The following JPT2 variants were observed in gnomAD, a reference collection of about 807,000 sequenced individuals.
JPT2 encodes Jupiter microtubule associated homolog 2, also known as CRAMP_1 like.
A neutral mutation model predicts 15.9 loss-of-function variants in JPT2; 9 were observed. That is an observed-to-expected ratio of 0.57 (90% CI 0.34 to 0.99). The LOEUF (loss-of-function observed/expected upper bound fraction) is 0.99, where lower values mean the gene tolerates loss of function less well. Among genes scored for constraint, JPT2 ranks in the 50% least tolerant of loss-of-function variants. The pLI, the probability that JPT2 is intolerant of heterozygous loss-of-function variation, is 0.02. For synonymous variants in JPT2, 95 were observed against 91.7 expected (o/e 1.04, Z -0.21); for missense variants, 267 against 252.1 (o/e 1.06, Z -0.40).
rs2037154785 is a variant in JPT2 at position 1,697,987 on chromosome 16, C to T, written c.385+127C>T. 5.0e-6 allele frequency: 4 copies of T among 799,840 alleles called. No homozygotes were observed. In the South Asian group the frequency reaches 6.4e-5, roughly 13 times the overall value. 49.5% of individuals were successfully genotyped at this position (799,840 alleles called of 1,614,324 possible). On this transcript the variant is annotated intron_variant, in intron 4 of 4. Coordinates refer to ENST00000248098, the MANE Select transcript of JPT2 (RefSeq NM_144570.3). ...TTCTGGGCCACCTGATTAAAACGAG[C>T]TCAGGTGTATCCACTGCAAGAGGAT...
At chr16:1,678,486 C>T (rs1212151005) in intron 1 of JPT2, 130 bp downstream of exon 1, 3 of 929,562 alleles carry the variant, frequency 3.2e-6, no homozygotes, top group South Asian at 5.5e-5. Context: ...CACAGAGGCC[C>T]TCGGGGCCGC....
At chr16:1,692,391 C>T (rs574431603) in intron 3 of JPT2, 9 of 211,106 alleles carry the variant, frequency 4.3e-5, no homozygotes, top group Middle Eastern at 4.7e-4. Context: ...GGCTTTTCCC[C>T]GCACAGTCAA....
chr16:1,681,266 A>G (rs2142219057), intron 1 of JPT2, among the ~76,000 whole-genome samples: 1 of 152,312 alleles, frequency 6.6e-6, no homozygotes, highest in Non-Finnish European at 1.5e-5. Flanking sequence ...GAGGCAGCCC[A>G]GCCCTGCGGT....
At chr16:1,680,872 A>C (rs576927563) in intron 1 of JPT2, among the ~76,000 whole-genome samples, 1 of 152,320 alleles carries the variant, frequency 6.6e-6, no homozygotes, top group Non-Finnish European at 1.5e-5. Context: ...ACTCGGGGAC[A>C]AACTATTAGA....
chr16:1,682,668 G>A (rs1234130782), intron 1 of JPT2, among the ~76,000 whole-genome samples: 5 of 148,882 alleles, frequency 3.4e-5, no homozygotes, highest in South Asian at 2.1e-4. Flanking sequence ...GCGAGATTTC[G>A]TCTCAAAAAA....
In JPT2 at chr16:1,691,834, T is replaced by A; in HGVS notation, c.194-9T>A. ...CTGGTTGCTCAGTGTTCTGTGATCG[T>A]TTCTGCAGGGGGTAAAGGAAGTGGT... On this transcript the variant is annotated splice_polypyrimidine_tract_variant and intron_variant, in intron 2 of 4. Transcript: ENST00000248098. The A allele has an allele frequency of 6.2e-7, 1 of 1,612,300 alleles. No homozygotes were observed. Among genetic ancestry groups the A allele is most frequent in the Non-Finnish European group, 8.5e-7 (1 of 1,179,386 alleles).
In JPT2 at chr16:1,683,502, C is replaced by T. The variant is rs912164957; in HGVS notation, c.45-1937C>T. On this transcript the variant is annotated intron_variant, in intron 1 of 4. Coordinates refer to ENST00000248098, the MANE Select transcript of JPT2 (RefSeq NM_144570.3). ...TCTTTTTTTTTCTCCCTCCTCAAAT[C>T]CTCCAGGAAATGGCAACTGCTGACA... The T allele has an allele frequency of 7.9e-6, 12 of 1,526,576 alleles. No homozygotes were observed. In the African/African-American group the frequency reaches 1.2e-4, roughly 16 times the overall value. 94.6% of individuals were successfully genotyped at this position (1,526,576 alleles called of 1,614,324 possible).
intron 2 of JPT2, chr16:1,688,589 G>A (rs1394440785): frequency 6.6e-6 from 1 of 152,172 alleles, no homozygotes; most frequent in Non-Finnish European, 1.5e-5. Context: ...AACAAATCTT[G>A]TAGGCCAGGT....
rs779490945 is a variant in JPT2, at chr16:1,691,959, C to T, written c.310C>T (p.Arg104Cys). Residue 104 changes from arginine to cysteine, a missense_variant, in exon 3 of 5, where the codon CGC (arginine) becomes TGC (cysteine). Coordinates refer to ENST00000248098, the MANE Select transcript of JPT2 (RefSeq NM_144570.3). ...TGGGTCTCCGGTCACTGCCACTTCA[C>T]GCTTGGCACACCCAAACAAACCCAA... is the stretch of plus-strand genomic sequence containing the variant. The part of the protein sequence containing the change: ...IFGSPVTATS[R>C]LAHPNKPKDH... The T allele has an allele frequency of 1.7e-5, 27 of 1,614,198 alleles. No individual in the cohort carries two copies. Among genetic ancestry groups the T allele is most frequent in the Non-Finnish European group, 2.0e-5 (24 of 1,180,028 alleles).
intron 1 of JPT2, among the ~76,000 whole-genome samples, chr16:1,679,558 G>A (rs1008093276): frequency 1.3e-5 from 2 of 151,870 alleles, no homozygotes; most frequent in African/African-American, 4.8e-5. Flanking sequence ...TTAGCCAGGC[G>A]TGGTGGTGTG....
Position 1,678,346 on chromosome 16 carries a change from G to T in JPT2, c.34G>T (p.Ala12Ser). The T allele has an allele frequency of 1.6e-6, 2 of 1,233,250 alleles. No individual in the cohort carries two copies. Among genetic ancestry groups the T allele is most frequent in the Middle Eastern group, 2.8e-4 (1 of 3,556 alleles). The allele number at this position is 1,233,250 out of a possible 1,614,324, so 76.4% of individuals were successfully genotyped here. Residue 12 changes from alanine to serine, a missense_variant, in exon 1 of 5, where the codon GCC becomes TCC. Coordinates refer to ENST00000248098, the MANE Select transcript of JPT2 (RefSeq NM_144570.3). Reference sequence around the variant, plus strand: ...GGTCCCGGATAGCGAGGGCGGCCGCGCCGGCTCCAGGTGCGGCGCGGGGCA... The same window carrying T: ...GGTCCCGGATAGCGAGGGCGGCCGCTCCGGCTCCAGGTGCGGCGCGGGGCA... Reference protein sequence around the residue: ...FQVPDSEGGRAGSRAMKPPGG... With the variant: ...FQVPDSEGGRSGSRAMKPPGG...
At chr16:1,682,802 C>A (rs1380702582) in intron 1 of JPT2, among the ~76,000 whole-genome samples, 1 of 152,166 alleles carries the variant, frequency 6.6e-6, no homozygotes, top group African/African-American at 2.4e-5. Flanking sequence ...TCCCACCCAC[C>A]ACCCTTTATT....
At chr16:1,689,719 G>T (rs1304751839) in intron 2 of JPT2, 2 of 152,268 alleles carry the variant, frequency 1.3e-5, no homozygotes, top group African/African-American at 4.8e-5. Context: ...TAAGATTACA[G>T]GTGTGAGCCA....
intron 1 of JPT2, among the ~76,000 whole-genome samples, chr16:1,681,201 T>C (rs2037020061): frequency 2.0e-5 from 3 of 152,198 alleles, no homozygotes. Context: ...GTTGTCGGGC[T>C]GTTTTTGTTG....
At chr16:1,682,447 G>A (rs1276700941) in intron 1 of JPT2, among the ~76,000 whole-genome samples, 3 of 152,020 alleles carry the variant, frequency 2.0e-5, no homozygotes, top group East Asian at 1.9e-4. Flanking sequence ...TGAGGTGGGC[G>A]GATCACCTGA....
chr16:1,680,918 A>C (rs2037017564), intron 1 of JPT2, among the ~76,000 whole-genome samples: 1 of 152,196 alleles, frequency 6.6e-6, no homozygotes, highest in Admixed American at 6.5e-5. Flanking sequence ...GAGGAGGGTC[A>C]CACAGCTTTT....
rs755996607 is a variant in JPT2 at position 1,698,789 on chromosome 16, G to A, written c.386-22G>A. On this transcript the variant is annotated intron_variant, in intron 4 of 4. Transcript: ENST00000248098. The surrounding 1 kb of genome is among the most constrained non-coding windows in gnomAD (Gnocchi z 4.9). ...CATGGGTTGCCTCTAATGGGATGTT[G>A]TTCTAACTTTGTGTCCCACAGCTGC... The A allele has an allele frequency of 1.9e-6, 3 of 1,601,250 alleles. No homozygotes were observed. The highest frequency in any genetic ancestry group is 2.6e-6 in the Non-Finnish European group (3 of 1,174,372).
At chr16:1,685,764 G>A (rs1279603739) in intron 2 of JPT2, 177 bp downstream of exon 2, 12 of 650,476 alleles carry the variant, frequency 1.8e-5, no homozygotes, top group African/African-American at 4.2e-5. Context: ...AAGGTGACTT[G>A]AGTAGTCTTG....
chr16:1,696,433 A>G (rs1306626866), intron 3 of JPT2, among the ~76,000 whole-genome samples: 1 of 151,892 alleles, frequency 6.6e-6, no homozygotes, highest in Non-Finnish European at 1.5e-5. Context: ...AGGCAAGAGA[A>G]TTGCTTGAAC....
Sources: gnomAD v4.1 joint callset for allele counts (sites outside exome capture counted in the v4.1 genomes callset) on GRCh38, gnomAD v4.1.1 for gene constraint, Gnocchi (gnomAD v3.1) non-coding constraint, MANE v1.5 for transcripts, NCBI Gene and HGNC (gene_info 2026-07-23, HGNC 2026-07-21) for gene names.